RANBP2: variants seen among roughly 807,000 people sequenced by gnomAD.
RANBP2 encodes the protein RAN binding protein 2.
A neutral mutation model predicts 303.6 loss-of-function variants in RANBP2; 57 were observed. The ratio of observed to expected loss-of-function variants is 0.19; its 90% CI spans 0.15 to 0.23. The LOEUF is 0.23. Among genes scored for constraint, RANBP2 ranks in the 10% least tolerant of loss-of-function variants. RANBP2 has a pLI of 1.00. For synonymous variants in RANBP2, 1,167 were observed against 1,301.5 expected (o/e 0.90, Z 2.23); for missense variants, 3,138 against 3,780.8 (o/e 0.83, Z 4.46).
intron 9 of RANBP2, among the ~76,000 whole-genome samples, chr2:108,750,044 G>A (rs1675740659): frequency 6.6e-6 from 1 of 152,244 alleles, no homozygotes; most frequent in Non-Finnish European, 1.5e-5. Flanking sequence ...TACTCAGGAG[G>A]CTGAGGCAGG....
the RANBP2 span, among the ~76,000 whole-genome samples, chr2:109,668,403 C>T: frequency 2.8e-4 from 43 of 152,168 alleles, no homozygotes; most frequent in Non-Finnish European, 5.1e-4. Context: ...AAATCATCAC[C>T]TCAAAGCATA....
At chr2:109,115,564 T>A in the RANBP2 span, among the ~76,000 whole-genome samples, 4 of 152,372 alleles carry the variant, frequency 2.6e-5, 1 homozygote, top group Middle Eastern at 0.01. Context: ...AGCGCACTGA[T>A]GGGTCTTGAC....
In RANBP2 at chr2:108,757,317, C is replaced by T. The variant is rs565034195; in HGVS notation, c.2467-1096C>T. ...GAGGTAGCCACATAGCTACACTAGA[C>T]GGCATTGTATCTATCTGCCATCTTG... On this transcript the variant is annotated intron_variant, in intron 17 of 28. Coordinates refer to ENST00000283195, the MANE Select transcript of RANBP2 (RefSeq NM_006267.5). Among the ~76,000 whole-genome samples, 20 of 152,264 alleles carry T rather than the reference C, an allele frequency of 1.3e-4. No homozygotes were observed. In the East Asian group the frequency reaches 2.3e-3, roughly 18 times the overall value.
At chr2:109,075,206 C>T in the RANBP2 span, among the ~76,000 whole-genome samples, 5 of 149,588 alleles carry the variant, frequency 3.3e-5, no homozygotes, top group African/African-American at 4.9e-5. Flanking sequence ...AGAAAAACCC[C>T]GCAAAATCAG....
chr2:109,655,885 C>G, the RANBP2 span, among the ~76,000 whole-genome samples: 2 of 152,142 alleles, frequency 1.3e-5, no homozygotes, highest in African/African-American at 4.8e-5. Context: ...TCTTGGTCTA[C>G]CACTTATTAT....
downstream of RANBP2, among the ~76,000 whole-genome samples, chr2:108,786,129 CAAAA>C (rs5833303): frequency 6.9e-6 from 1 of 143,914 alleles, no homozygotes. Context: ...TTTTTCTTTT[CAAAA>C]AAAAAAAGTT....
the RANBP2 span, among the ~76,000 whole-genome samples, chr2:109,173,804 G>A: frequency 6.6e-6 from 1 of 152,204 alleles, no homozygotes; most frequent in Non-Finnish European, 1.5e-5. Flanking sequence ...CCTGACCAAA[G>A]GCATGCGATG....
the RANBP2 span, among the ~76,000 whole-genome samples, chr2:109,160,247 G>A: frequency 6.6e-6 from 1 of 152,202 alleles, no homozygotes; most frequent in African/African-American, 2.4e-5. Flanking sequence ...GCTGAGCAGG[G>A]TGACCCATGG....
At chr2:109,055,521 C>T in the RANBP2 span, among the ~76,000 whole-genome samples, 43 of 149,528 alleles carry the variant, frequency 2.9e-4, no homozygotes, top group South Asian at 8.8e-4. Flanking sequence ...CCACCGTGTC[C>T]GGCTAATTTT....
At chr2:108,781,172 T>TA in intron 25 of RANBP2, 97 bp from the exon 26 acceptor site, 2 of 1,199,802 alleles carry the variant, frequency 1.7e-6, no homozygotes. Context: ...ATGTACATAT[T>TA]ACATCATCAG....
chr2:108,736,436 T>G (rs1172706047), intron 6 of RANBP2, among the ~76,000 whole-genome samples, 187 bp downstream of exon 6: 1 of 152,210 alleles, frequency 6.6e-6, no homozygotes, highest in Non-Finnish European at 1.5e-5. Context: ...CTAATTGGTT[T>G]TATATGACTT....
At chr2:108,809,995 G>A in the RANBP2 span, among the ~76,000 whole-genome samples, 3 of 152,096 alleles carry the variant, frequency 2.0e-5, no homozygotes, top group Non-Finnish European at 2.9e-5. Flanking sequence ...TAGTAGAGAC[G>A]GGGTTTTGCT....
the RANBP2 span, among the ~76,000 whole-genome samples, chr2:109,523,505 C>T: frequency 1.3e-5 from 2 of 152,204 alleles, no homozygotes; most frequent in African/African-American, 2.4e-5. Flanking sequence ...TGCCGTGATA[C>T]ACACGCTGTT....
chr2:108,809,326 T>A, the RANBP2 span, among the ~76,000 whole-genome samples: 1 of 152,196 alleles, frequency 6.6e-6, no homozygotes, highest in Admixed American at 6.5e-5. Flanking sequence ...ATACACAGTT[T>A]AGAATTTTTT....
chr2:109,670,234 A>G, the RANBP2 span, among the ~76,000 whole-genome samples: 210 of 151,714 alleles, frequency 1.4e-3, 7 homozygotes, highest in Admixed American at 0.014. Flanking sequence ...ATTGGGTGAG[A>G]CAAAAACCTC....
the RANBP2 span, among the ~76,000 whole-genome samples, chr2:109,469,968 C>T: frequency 1.3e-5 from 2 of 152,150 alleles, no homozygotes; most frequent in African/African-American, 4.8e-5. Context: ...TAAGATGAAC[C>T]CATGAGCAGA....
chr2:109,254,638 T>A, the RANBP2 span, among the ~76,000 whole-genome samples: 1 of 152,200 alleles, frequency 6.6e-6, no homozygotes, highest in Non-Finnish European at 1.5e-5. Flanking sequence ...ATAGTTTCTT[T>A]GTCTTCTGCT....
At chr2:108,779,035 C>G (rs1678063066) in intron 25 of RANBP2, among the ~76,000 whole-genome samples, 1 of 151,520 alleles carries the variant, frequency 6.6e-6, no homozygotes, top group Non-Finnish European at 1.5e-5. Flanking sequence ...TGGCCCTGAA[C>G]AGTTATTTTT....
At chr2:109,570,853 ATTAT>A in the RANBP2 span, among the ~76,000 whole-genome samples, 6 of 152,080 alleles carry the variant, frequency 3.9e-5, no homozygotes, top group Non-Finnish European at 5.9e-5. Context: ...TAATCTAGAG[ATTAT>A]TTAAAGTATA....
Sources: allele counts gnomAD v4.1 joint callset (sites outside exome capture counted in the v4.1 genomes callset), GRCh38; gene constraint gnomAD v4.1.1; transcripts MANE v1.5; gene names NCBI Gene and HGNC (gene_info 2026-07-23, HGNC 2026-07-21).